SLC2A13: variants seen among roughly 807,000 people sequenced by gnomAD.
SLC2A13 encodes solute carrier family 2 member 13.
A neutral mutation model predicts 64.4 loss-of-function variants in SLC2A13; 32 were observed. The observed-to-expected ratio is 0.50, with a 90% CI of 0.37 to 0.67. The LOEUF is 0.67. SLC2A13 is among the 30% of genes least tolerant of loss of function. The pLI is 0.00. For missense variants in SLC2A13, 743 were observed against 829.2 expected (o/e 0.90, Z 1.28); for synonymous variants, 338 against 327.1 (o/e 1.03, Z -0.36).
At chr12:39,997,519 A>T (rs1947251361) in intron 3 of SLC2A13, among the ~76,000 whole-genome samples, 2 of 152,162 alleles carry the variant, frequency 1.3e-5, no homozygotes, top group African/African-American at 4.8e-5. Flanking sequence ...GTGTGATACC[A>T]CCTTACTCCT....
rs183864272 is a variant in SLC2A13, at chr12:39,880,225, C to T, written c.1035-8264G>A. Among the ~76,000 whole-genome samples, 483 of 152,274 alleles carry T rather than the reference C, an allele frequency of 3.2e-3. 11 individuals carry two copies. The highest frequency in any genetic ancestry group is 0.031 in the Admixed American group (469 of 15,290). ...GTAAATCTCTTTTCTTTGTAAATTA[C>T]TCAGTCTTAAGTATTTATTTGTAGC... On this transcript the variant is annotated intron_variant, in intron 4 of 9. Transcript: ENST00000280871.
intron 4 of SLC2A13, among the ~76,000 whole-genome samples, chr12:39,877,986 G>A (rs1460785946): frequency 6.6e-6 from 1 of 152,098 alleles, no homozygotes; most frequent in Non-Finnish European, 1.5e-5. Context: ...TACCTCCCCT[G>A]ACCCACTCTC....
At chr12:40,019,879 A>G (rs796854445) in intron 3 of SLC2A13, among the ~76,000 whole-genome samples, 4 of 152,186 alleles carry the variant, frequency 2.6e-5, no homozygotes, top group South Asian at 4.1e-4. Context: ...CATAAACCTA[A>G]TAATTTTCTC....
At chr12:39,848,484 C>T (rs1943380167) in intron 6 of SLC2A13, among the ~76,000 whole-genome samples, 1 of 152,214 alleles carries the variant, frequency 6.6e-6, no homozygotes, top group African/African-American at 2.4e-5. Context: ...AACCATCTCA[C>T]ACCAGTCAGA....
intron 7 of SLC2A13, among the ~76,000 whole-genome samples, chr12:39,812,754 G>C (rs1167932828): frequency 1.3e-5 from 2 of 150,466 alleles, no homozygotes; most frequent in Admixed American, 1.3e-4. Context: ...TTACGGGCGT[G>C]AGTCATTGCA....
chr12:39,842,462 A>G (rs988073969), intron 6 of SLC2A13, among the ~76,000 whole-genome samples: 3 of 152,076 alleles, frequency 2.0e-5, no homozygotes, highest in African/African-American at 7.2e-5. Context: ...TGATCAGCAT[A>G]GTGACTAACA....
intron 4 of SLC2A13, among the ~76,000 whole-genome samples, chr12:39,896,117 C>T (rs923311065): frequency 1.4e-5 from 2 of 140,040 alleles, no homozygotes; most frequent in East Asian, 2.1e-4. Context: ...TATATGAATG[C>T]ATACATATAT....
intron 3 of SLC2A13, among the ~76,000 whole-genome samples, chr12:39,959,406 G>A (rs1196681277): frequency 2.0e-5 from 3 of 152,184 alleles, no homozygotes; most frequent in African/African-American, 7.2e-5. Context: ...GTCTATAGAT[G>A]CGTGCTTGTA....
chr12:39,893,537 T>C (rs977456711), intron 4 of SLC2A13, among the ~76,000 whole-genome samples: 2 of 152,192 alleles, frequency 1.3e-5, no homozygotes, highest in Non-Finnish European at 2.9e-5. Context: ...TGACCTCAGG[T>C]GATCTGCCCG....
intron 3 of SLC2A13, among the ~76,000 whole-genome samples, chr12:39,995,625 T>C (rs1393041687): frequency 6.6e-6 from 1 of 152,210 alleles, no homozygotes; most frequent in Non-Finnish European, 1.5e-5. Flanking sequence ...AATATTGTTG[T>C]TTTTGTCTTT....
intron 7 of SLC2A13, among the ~76,000 whole-genome samples, chr12:39,790,310 G>A (rs1321386645): frequency 1.3e-5 from 2 of 150,430 alleles, no homozygotes; most frequent in South Asian, 2.1e-4. Flanking sequence ...GTGCTGGTGC[G>A]CTGCACCCAC....
chr12:39,893,937 A>G (rs1163253448), intron 4 of SLC2A13, among the ~76,000 whole-genome samples: 1 of 152,250 alleles, frequency 6.6e-6, no homozygotes, highest in Non-Finnish European at 1.5e-5. Context: ...AACTTTCACA[A>G]TTAACGTGTT....
chr12:40,079,638 G>A (rs545942583), intron 1 of SLC2A13, among the ~76,000 whole-genome samples: 53 of 152,276 alleles, frequency 3.5e-4, no homozygotes, highest in African/African-American at 1.3e-3. Flanking sequence ...TAAGTGTCAA[G>A]TTTAGGTCCC....
At chr12:39,988,282 A>G (rs1044661291) in intron 3 of SLC2A13, among the ~76,000 whole-genome samples, 5 of 152,122 alleles carry the variant, frequency 3.3e-5, no homozygotes, top group Non-Finnish European at 5.9e-5. Context: ...TCATTTTTTC[A>G]TACTTTGGCA....
chr12:39,971,534 G>A (rs7976837), intron 3 of SLC2A13, among the ~76,000 whole-genome samples: 42,843 of 151,954 alleles, frequency 0.28, 6,754 homozygotes, highest in Middle Eastern at 0.36. Flanking sequence ...ATCTCTGGGT[G>A]GATGAAAGGC....
intron 7 of SLC2A13, among the ~76,000 whole-genome samples, chr12:39,803,449 A>G (rs1361946230): frequency 6.6e-6 from 1 of 152,202 alleles, no homozygotes; most frequent in African/African-American, 2.4e-5. Context: ...AATAAGCATG[A>G]GTATAATTAT....
At chr12:39,981,163 G>A (rs1327178389) in intron 3 of SLC2A13, among the ~76,000 whole-genome samples, 4 of 149,712 alleles carry the variant, frequency 2.7e-5, no homozygotes, top group East Asian at 3.9e-4. Flanking sequence ...TCTCTGGGAT[G>A]CATTCAAAGC....
chr12:39,881,241 C>T (rs1944328766), intron 4 of SLC2A13, among the ~76,000 whole-genome samples: 1 of 151,936 alleles, frequency 6.6e-6, no homozygotes, highest in Admixed American at 6.6e-5. Context: ...AAAGATTTTG[C>T]CCTTGGGTTT....
At chr12:40,007,804 A>G (rs980505092) in intron 3 of SLC2A13, among the ~76,000 whole-genome samples, 14 of 152,212 alleles carry the variant, frequency 9.2e-5, no homozygotes, top group African/African-American at 3.1e-4. Flanking sequence ...TACCTCACAC[A>G]TAGAAGCCAT....
Sources: allele counts gnomAD v4.1 joint callset (sites outside exome capture counted in the v4.1 genomes callset), GRCh38; gene constraint gnomAD v4.1.1; transcripts MANE v1.5; gene names NCBI Gene and HGNC (gene_info 2026-07-23, HGNC 2026-07-21).